CAMK2B: variants seen among roughly 807,000 people sequenced by gnomAD.
The protein encoded by CAMK2B is calcium/calmodulin-dependent protein kinase type II subunit beta.
A neutral mutation model predicts 93.7 loss-of-function variants in CAMK2B; 27 were observed. The observed-to-expected ratio is 0.29, with a 90% CI of 0.21 to 0.40. The LOEUF is 0.40. Among genes scored for constraint, CAMK2B ranks in the 10% least tolerant of loss-of-function variants. The probability of loss-of-function intolerance (pLI) is 1.00; values close to 1 mark genes in which losing one functional copy is unlikely to be tolerated. For synonymous variants in CAMK2B, 374 were observed against 358.8 expected (o/e 1.04, Z -0.48); for missense variants, 568 against 895.8 (o/e 0.63, Z 4.67).
intron 16 of CAMK2B, 138 bp downstream of exon 16, chr7:44,232,684 C>T: frequency 2.5e-6 from 2 of 788,992 alleles, no homozygotes; most frequent in South Asian, 1.6e-5. Flanking sequence ...CGGACTGGGG[C>T]CCTACCGTAC....
intron 2 of CAMK2B, among the ~76,000 whole-genome samples, chr7:44,267,649 G>A (rs1272956108): frequency 1.3e-5 from 2 of 152,100 alleles, no homozygotes; most frequent in Non-Finnish European, 2.9e-5. Flanking sequence ...TCCCCAAGGG[G>A]GTGGCTAAGA....
chr7:44,290,709 A>T (rs1786551851), intron 1 of CAMK2B, among the ~76,000 whole-genome samples: 1 of 152,172 alleles, frequency 6.6e-6, no homozygotes, highest in South Asian at 2.1e-4. Flanking sequence ...CCAGAGGGGG[A>T]GGTCTTTTAT....
intron 1 of CAMK2B, among the ~76,000 whole-genome samples, chr7:44,316,032 C>T (rs1193497274): frequency 6.6e-6 from 1 of 152,168 alleles, no homozygotes; most frequent in East Asian, 1.9e-4. Context: ...TATTTCCAAT[C>T]TGGGAGCCTT....
At chr7:44,325,623 C>T (rs1000005743), upstream of CAMK2B, 1 of 156,202 alleles carries the variant, frequency 6.4e-6, no homozygotes, top group Non-Finnish European at 1.3e-5. Context: ...AGGAGCGCGC[C>T]GCACACCTAC....
At position 44,234,654 on chromosome 7, in the gene CAMK2B, T is replaced by C. The variant is rs772688993; in HGVS notation, c.1044A>G (p.Lys348=). ...GGAGCCTCACCTTGACTCCATCTGC[T>C]TTCTTGTTGAGTAAACTCTTGGCTG... ...VEQAKSLLNK[K]ADGVKPQTNS... is the part of the protein sequence containing the mutation. The change falls in exon 14 of 24, where the codon AAA becomes AAG. Residue 348 remains lysine (K), a synonymous_variant. Coordinates refer to ENST00000395749, the MANE Select transcript of CAMK2B (RefSeq NM_001220.5). The C allele has an allele frequency of 6.2e-6, 10 of 1,614,080 alleles. No homozygotes were observed. The South Asian group carries it at 1.1e-4, about 18-fold the overall frequency.
intron 5 of CAMK2B, among the ~76,000 whole-genome samples, chr7:44,249,712 C>T (rs1172580455): frequency 3.9e-5 from 6 of 152,198 alleles, no homozygotes; most frequent in Admixed American, 1.3e-4. Context: ...CGGCCTGCAC[C>T]GCATGCACCT....
At chr7:44,321,695 C>G (rs1230633674) in intron 1 of CAMK2B, among the ~76,000 whole-genome samples, 2 of 152,146 alleles carry the variant, frequency 1.3e-5, no homozygotes, top group Non-Finnish European at 2.9e-5. Context: ...TCCAAAACCT[C>G]GTGGGAGATG....
At position 44,220,090 on chromosome 7, in the gene CAMK2B, G is replaced by C; in HGVS notation, c.1973C>G (p.Ser658Trp). 1.2e-6 allele frequency: 2 copies of C among 1,605,136 alleles called. No individual in the cohort carries two copies. The highest frequency in any genetic ancestry group is 1.7e-6 in the Non-Finnish European group (2 of 1,177,856). ...CTGCAGCGGGGCCACAGGCGCGCCC[G>C]AGCAGTGGAAGTGCACGTTCTGCCA... ...GKWQNVHFHCSGAPVAPLQ is the reference protein window; with the variant it reads ...GKWQNVHFHCWGAPVAPLQ The change falls in exon 23 of 24, where the codon TCG (serine) becomes TGG (tryptophan). Residue 658 changes from serine (S) to tryptophan (W), a missense_variant. By Grantham distance (177) the Ser-to-Trp change is radical (BLOSUM62 -3). Coordinates refer to ENST00000395749, the MANE Select transcript of CAMK2B (RefSeq NM_001220.5).
intron 5 of CAMK2B, 154 bp from the exon 6 acceptor site, chr7:44,247,346 G>A: frequency 1.5e-6 from 1 of 675,914 alleles, no homozygotes; most frequent in South Asian, 1.7e-5. Context: ...AGGGGCCTCT[G>A]GGGCTTCTTC....
chr7:44,256,065 C>T (rs570271973), intron 4 of CAMK2B, among the ~76,000 whole-genome samples: 2 of 152,290 alleles, frequency 1.3e-5, no homozygotes, highest in East Asian at 1.9e-4. Flanking sequence ...TCTGTGTCCC[C>T]GACCAGCACC....
In CAMK2B at chr7:44,312,537, C is replaced by T. The variant is rs1325590737; in HGVS notation, c.65+12820G>A. Among the ~76,000 whole-genome samples the T allele has an allele frequency of 6.6e-6, 1 of 152,162 alleles. No homozygotes were observed. On this transcript the variant is annotated intron_variant, in intron 1 of 23. Transcript: ENST00000395749. This position sits in a 1 kb window ranked among gnomAD's most constrained non-coding sequence, Gnocchi z 4.1. ...GAAAGAAACAGCCCCAGGTCCTTCC[C>T]GGGAGGGGCTGCCCCATAAAGTGAG...
At chr7:44,245,162 T>C (rs1420942939) in intron 6 of CAMK2B, 4 of 352,058 alleles carry the variant, frequency 1.1e-5, no homozygotes, top group Middle Eastern at 6.9e-4. Context: ...ACATGGACCG[T>C]AGGAAGCACT....
chr7:44,234,326 A>C, intron 15 of CAMK2B, 64 bp downstream of exon 15: 1 of 1,402,124 alleles, frequency 7.1e-7, no homozygotes, highest in South Asian at 1.5e-5. Flanking sequence ...CCCTCTGACC[A>C]GCGGCAATCA....
chr7:44,220,106 C>G lies in CAMK2B; in HGVS notation c.1957G>C (p.Val653Leu). The G allele has an allele frequency of 6.2e-7, 1 of 1,609,774 alleles. No individual in the cohort carries two copies. Among genetic ancestry groups the G allele is most frequent in the Non-Finnish European group, 8.5e-7 (1 of 1,179,282 alleles). Reference sequence around the variant, plus strand: ...GGCGCGCCCGAGCAGTGGAAGTGCACGTTCTGCCACTTGCCGTCGCGGCGG... The same window carrying G: ...GGCGCGCCCGAGCAGTGGAAGTGCAGGTTCTGCCACTTGCCGTCGCGGCGG... ...WHRRDGKWQN[V>L]HFHCSGAPVA... is the part of the protein sequence containing the mutation. Residue 653 changes from valine (V) to leucine (L), a missense_variant, in exon 23 of 24, where the codon GTG (valine) becomes CTG (leucine). Val to Leu is a conservative substitution (Grantham distance 32). Around this residue, in one of 4 missense-constraint regions of CAMK2B, gnomAD observed 116 missense variants for 188.0 expected, o/e 0.62. Transcript: ENST00000395749.
In CAMK2B at chr7:44,231,011, G is replaced by A. The variant is rs1274079126; in HGVS notation, c.1220C>T (p.Ala407Val). Residue 407 changes from alanine (A) to valine (V), a missense_variant, in exon 17 of 24, where the codon GCT becomes GTT. This residue lies in a region of CAMK2B where 308 missense variants were observed against 292.1 expected (regional missense o/e 1.05). Transcript: ENST00000395749. ...SANTTIEDED[A>V]KAPRVPDILS... The stretch of plus-strand genomic sequence containing the variant: ...AAGGACTCAAGTGCAGGTACCTTTA[G>A]CGTCTTCATCCTCTATGGTGGTATT... The A allele has an allele frequency of 1.3e-6, 2 of 1,554,226 alleles. No individual in the cohort carries two copies. Among genetic ancestry groups the A allele is most frequent in the Non-Finnish European group, 1.7e-6 (2 of 1,148,566 alleles).
intron 2 of CAMK2B, among the ~76,000 whole-genome samples, chr7:44,267,597 T>C (rs868292163): frequency 4.7e-4 from 72 of 152,158 alleles, no homozygotes; most frequent in African/African-American, 1.7e-3. Context: ...GTGGATGCAA[T>C]TCTACACATG....
intron 2 of CAMK2B, among the ~76,000 whole-genome samples, chr7:44,269,106 A>G (rs1211164920): frequency 2.0e-5 from 3 of 152,198 alleles, no homozygotes; most frequent in South Asian, 2.1e-4. Context: ...GCTGACGGGA[A>G]GGACATTCAC....
intron 4 of CAMK2B, among the ~76,000 whole-genome samples, chr7:44,256,225 G>A (rs67629407): frequency 0.3 from 45,336 of 152,200 alleles, 7,714 homozygotes; most frequent in Non-Finnish European, 0.39. Context: ...CCTTCCCAGG[G>A]TCATCTGGCC....
intron 23 of CAMK2B, among the ~76,000 whole-genome samples, chr7:44,219,787 C>T (rs373177622): frequency 5.3e-5 from 8 of 152,190 alleles, no homozygotes; most frequent in Non-Finnish European, 8.8e-5. Flanking sequence ...CTGTGCTGCC[C>T]GGGGCCCATC....
Sources: gnomAD v4.1 joint callset for allele counts (sites outside exome capture counted in the v4.1 genomes callset) on GRCh38, gnomAD v4.1.1 for gene constraint, gnomAD v4.1.1 regional missense constraint, Gnocchi (gnomAD v3.1) non-coding constraint, MANE v1.5 for transcripts, NCBI Gene and HGNC (gene_info 2026-07-23, HGNC 2026-07-21) for gene names.